Variants in SAMD8 observed in about 807,000 individuals in gnomAD.
SAMD8 encodes the protein sterile alpha motif domain containing 8, also known as sphingomyelin synthase-related protein 1.
In SAMD8, 20 loss-of-function variants were observed where a neutral mutation model predicts 42.0. That is an observed-to-expected ratio of 0.48 (90% CI 0.34 to 0.69). SAMD8 has a LOEUF of 0.69. Among genes scored for constraint, SAMD8 ranks in the 30% least tolerant of loss-of-function variants. The pLI, the probability that SAMD8 is intolerant of heterozygous loss-of-function variation, is 0.01. For missense variants in SAMD8, 328 were observed against 511.6 expected (o/e 0.64, Z 3.46); for synonymous variants, 162 against 173.0 (o/e 0.94, Z 0.50).
chr10:75,169,218 G>A (rs967066052), intron 4 of SAMD8, among the ~76,000 whole-genome samples: 1 of 147,974 alleles, frequency 6.8e-6, no homozygotes, highest in Admixed American at 6.9e-5. Flanking sequence ...CGGGCGCAGT[G>A]GCTCATGCCT....
chr10:75,157,553 C>A (rs1447559621), intron 2 of SAMD8, among the ~76,000 whole-genome samples: 1 of 152,014 alleles, frequency 6.6e-6, no homozygotes, highest in Non-Finnish European at 1.5e-5. Flanking sequence ...TTTTTATTTT[C>A]TCTGTTTAAA....
intron 1 of SAMD8, among the ~76,000 whole-genome samples, chr10:75,112,071 A>G (rs1275967243): frequency 6.6e-6 from 1 of 152,074 alleles, no homozygotes; most frequent in East Asian, 1.9e-4. Flanking sequence ...GGAAGAAGAG[A>G]TGCTCTGGGT....
chr10:75,162,003 A>G (rs554074458), intron 2 of SAMD8, among the ~76,000 whole-genome samples: 4 of 152,254 alleles, frequency 2.6e-5, no homozygotes, highest in African/African-American at 9.6e-5. Flanking sequence ...ACGCCACTAC[A>G]GTCCAACCTG....
At chr10:75,130,810 C>T (rs1282510611) in intron 1 of SAMD8, among the ~76,000 whole-genome samples, 1 of 152,174 alleles carries the variant, frequency 6.6e-6, no homozygotes, top group Non-Finnish European at 1.5e-5. Flanking sequence ...CTTCACTTAA[C>T]TTTTCTGTGC....
upstream of SAMD8, among the ~76,000 whole-genome samples, chr10:75,107,468 C>G (rs1848584628): frequency 6.6e-6 from 1 of 152,196 alleles, no homozygotes; most frequent in Non-Finnish European, 1.5e-5. Flanking sequence ...AAATGGCTTT[C>G]AGCCTCAGGG....
intron 1 of SAMD8, among the ~76,000 whole-genome samples, chr10:75,139,204 A>G (rs1057200670): frequency 2.0e-5 from 3 of 151,980 alleles, no homozygotes; most frequent in Non-Finnish European, 2.9e-5. Context: ...CCTGACCTCA[A>G]GTGATCTGCC....
chr10:75,136,878 C>G lies in SAMD8; in HGVS notation c.-15-13636C>G, dbSNP rs545241378. Among the ~76,000 whole-genome samples the G allele has an allele frequency of 1.6e-4, 24 of 152,260 alleles. 1 individual carries two copies. In the South Asian group the frequency reaches 4.8e-3, roughly 30 times the overall value. ...AAATCAAAATCACAATGAAATACTACTTTATGTCATAAAATGGCTACTATT... is the reference window on the plus strand; with the variant it reads ...AAATCAAAATCACAATGAAATACTAGTTTATGTCATAAAATGGCTACTATT... On this transcript the variant is annotated intron_variant, in intron 1 of 5. Transcript: ENST00000542569.
At chr10:75,166,561 T>A (rs535333035) in intron 3 of SAMD8, among the ~76,000 whole-genome samples, 2 of 152,242 alleles carry the variant, frequency 1.3e-5, no homozygotes, top group South Asian at 4.2e-4. Flanking sequence ...ATTTCAGTGT[T>A]CTGAAGGTGA....
intron 1 of SAMD8, among the ~76,000 whole-genome samples, chr10:75,121,665 TAATTG>T (rs569335843): frequency 1.4e-3 from 215 of 152,300 alleles, no homozygotes; most frequent in African/African-American, 5.0e-3. Flanking sequence ...TATGGGTTAA[TAATTG>T]AATTTAATTG....
At chr10:75,107,088 CA>C (rs1848562945), upstream of SAMD8, among the ~76,000 whole-genome samples, 1 of 152,178 alleles carries the variant, frequency 6.6e-6, no homozygotes, top group Admixed American at 6.5e-5. Flanking sequence ...ATAATCCCAG[CA>C]CTTTGGGAGG....
chr10:75,124,272 G>A (rs940367266), intron 1 of SAMD8, among the ~76,000 whole-genome samples: 2 of 152,012 alleles, frequency 1.3e-5, no homozygotes, highest in African/African-American at 4.8e-5. Flanking sequence ...GAAAAAGTAT[G>A]TCTACTCCAT....
In SAMD8 at chr10:75,168,555, G is replaced by A. The variant is rs763665486; in HGVS notation, c.689G>A (p.Arg230Gln). ...LLHKHRSILL[R>Q]RLCSLMGTVF... The stretch of plus-strand genomic sequence containing the variant: ...ATCTGTTACAGGTCAATACTTCTGC[G>A]AAGGCTCTGTAGTCTGATGGGAACT... Residue 230 changes from arginine (R) to glutamine (Q), a missense_variant, in exon 4 of 6, where the codon CGA (arginine) becomes CAA (glutamine). Arg to Gln is a conservative substitution (Grantham distance 43). Coordinates refer to ENST00000542569, the MANE Select transcript of SAMD8 (RefSeq NM_001174156.2). 1.9e-6 allele frequency: 3 copies of A among 1,613,304 alleles called. No homozygotes were observed. Among genetic ancestry groups the A allele is most frequent in the Admixed American group, 1.7e-5 (1 of 59,968 alleles).
chr10:75,180,449 G>A lies in SAMD8; in HGVS notation c.*3757G>A, dbSNP rs1841062816. ...GTGGTGGTGCACGCCCATGCCTGTAGTCCCAGCTACTCGGGAGGCTGAGGC... is the reference window on the plus strand; with the variant it reads ...GTGGTGGTGCACGCCCATGCCTGTAATCCCAGCTACTCGGGAGGCTGAGGC... On this transcript the variant is annotated 3_prime_UTR_variant, in exon 6 of 6. Transcript: ENST00000542569. 6.6e-6 allele frequency: 1 copy of A among 152,214 alleles called. No homozygotes were observed. Among genetic ancestry groups the A allele is most frequent in the African/African-American group, 2.4e-5 (1 of 41,394 alleles). 9.4% of individuals were successfully genotyped at this position (152,214 alleles called of 1,614,324 possible). A position where few individuals can be genotyped will look rare whatever the true frequency, so the allele number is the denominator to read the frequency against.
chr10:75,154,439 G>A (rs1455069546), intron 2 of SAMD8, among the ~76,000 whole-genome samples: 1 of 152,182 alleles, frequency 6.6e-6, no homozygotes, highest in Non-Finnish European at 1.5e-5. Flanking sequence ...GCAAACAGCT[G>A]GGTGCAAAAA....
chr10:75,136,260 T>A (rs909323797), intron 1 of SAMD8, among the ~76,000 whole-genome samples: 1 of 152,324 alleles, frequency 6.6e-6, no homozygotes, highest in Non-Finnish European at 1.5e-5. Context: ...ACTATTCAAG[T>A]CTTTTTCCCC....
At chr10:75,130,498 C>T (rs1025370314) in intron 1 of SAMD8, among the ~76,000 whole-genome samples, 14 of 151,940 alleles carry the variant, frequency 9.2e-5, no homozygotes, top group African/African-American at 3.4e-4. Flanking sequence ...AAGAGCGAAA[C>T]TCCATCTCAA....
In SAMD8 at chr10:75,176,048, C is replaced by A. The variant is rs201143053; in HGVS notation, c.793-18C>A. 2.2e-4 allele frequency: 355 copies of A among 1,604,736 alleles called. No individual in the cohort carries two copies. Among genetic ancestry groups the A allele is most frequent in the Admixed American group, 2.1e-3 (123 of 58,422 alleles). On this transcript the variant is annotated intron_variant, in intron 4 of 5. Coordinates refer to ENST00000542569, the MANE Select transcript of SAMD8 (RefSeq NM_001174156.2). The surrounding 1 kb of genome is among the most constrained non-coding windows in gnomAD (Gnocchi z 4.3). ...TCCCTAAGCATTTGAAGCACTAATT[C>A]ATAACTTTTCTTCATAGATATATGG...
rs937117510 is a variant in SAMD8 at position 75,181,962 on chromosome 10, G to A, written c.*5270G>A. The A allele has an allele frequency of 9.9e-5, 15 of 152,156 alleles. No individual in the cohort carries two copies. The highest frequency in any genetic ancestry group is 3.6e-4 in the African/African-American group (15 of 41,444). The allele number at this position is 152,156 out of a possible 1,614,324, so 9.4% of individuals were successfully genotyped here. A position where few individuals can be genotyped will look rare whatever the true frequency, so the allele number is the denominator to read the frequency against. ...AGAGAAACTAGTATTACTTGAAGAT[G>A]TGAAAGTTCCTGTGGTAGCCATACC... On this transcript the variant is annotated 3_prime_UTR_variant, in exon 6 of 6. Coordinates refer to ENST00000542569, the MANE Select transcript of SAMD8 (RefSeq NM_001174156.2).
chr10:75,133,455 A>G (rs1849317908), intron 1 of SAMD8, among the ~76,000 whole-genome samples: 2 of 152,204 alleles, frequency 1.3e-5, no homozygotes, highest in African/African-American at 4.8e-5. Context: ...TCTCTATTGG[A>G]TATATGTCCA....
Sources: gnomAD v4.1 joint callset for allele counts (sites outside exome capture counted in the v4.1 genomes callset) on GRCh38, gnomAD v4.1.1 for gene constraint, Gnocchi (gnomAD v3.1) non-coding constraint, MANE v1.5 for transcripts, NCBI Gene and HGNC (gene_info 2026-07-23, HGNC 2026-07-21) for gene names.